Variants in TENM3 observed in about 807,000 individuals in gnomAD.
TENM3 encodes teneurin transmembrane protein 3.
TENM3 carries 63 observed loss-of-function variants against 255.1 expected under a neutral mutation model. The ratio of observed to expected loss-of-function variants is 0.25; its 90% CI spans 0.20 to 0.30. The LOEUF (loss-of-function observed/expected upper bound fraction) is 0.30, where lower values mean the gene tolerates loss of function less well. Ranked by LOEUF, TENM3 falls within the 10% of genes least tolerant of loss-of-function variation. The pLI, the probability that TENM3 is intolerant of heterozygous loss-of-function variation, is 1.00. For missense variants in TENM3, 2,929 were observed against 3,461.1 expected, an observed-to-expected ratio of 0.85 and a Z score of 3.86; for synonymous variants, 1,306 against 1,322.3, an observed-to-expected ratio of 0.99 and a Z score of 0.27.
At chr4:182,673,746 G>C (rs1755419281) in intron 7 of TENM3, among the ~76,000 whole-genome samples, 1 of 152,156 alleles carries the variant, frequency 6.6e-6, no homozygotes, top group African/African-American at 2.4e-5. Context: ...CTGAGATGAA[G>C]AGGCAAGAGA....
rs548722858 is a variant in TENM3, at chr4:182,454,382, A to G, written c.511+107453A>G. ...AAGTGTGTTTCATACATCGATTTAT[A>G]TGGAAATACCCCTTCATTAAAAATG... On this transcript the variant is annotated intron_variant, in intron 3 of 27. Transcript: ENST00000511685. Among the ~76,000 whole-genome samples, 456 of 152,298 alleles carry G rather than the reference A, an allele frequency of 3.0e-3. 2 individuals carry two copies. Among genetic ancestry groups the G allele is most frequent in the Non-Finnish European group, 5.4e-3 (370 of 68,022 alleles).
intron 22 of TENM3, among the ~76,000 whole-genome samples, chr4:182,771,261 A>G (rs1764183098): frequency 6.6e-6 from 1 of 152,166 alleles, no homozygotes; most frequent in African/African-American, 2.4e-5. Flanking sequence ...GAAAATATAA[A>G]CCAGCAAAAG....
the TENM3 span, among the ~76,000 whole-genome samples, chr4:181,944,150 T>C: frequency 1.8e-4 from 27 of 152,166 alleles, no homozygotes; most frequent in Non-Finnish European, 3.8e-4. Flanking sequence ...TTATGAGAAC[T>C]GGCTTGCTGG....
intron 10 of TENM3, 145 bp downstream of exon 10, chr4:182,680,882 T>C (rs1756119225): frequency 8.8e-6 from 5 of 565,200 alleles, no homozygotes; most frequent in Non-Finnish European, 1.1e-5. Flanking sequence ...ATGCATTGTT[T>C]TACTAACATT....
At chr4:182,313,888 C>T (rs2150433592) in intron 1 of TENM3, among the ~76,000 whole-genome samples, 1 of 152,360 alleles carries the variant, frequency 6.6e-6, no homozygotes, top group Non-Finnish European at 1.5e-5. Context: ...TTTTCTAAAT[C>T]TCCACTCCAT....
chr4:182,319,801 A>G (rs1002587487), intron 1 of TENM3, among the ~76,000 whole-genome samples: 2 of 152,214 alleles, frequency 1.3e-5, no homozygotes, highest in Admixed American at 6.5e-5. Flanking sequence ...AGTAGAGAGA[A>G]TACTTTTTGC....
At chr4:182,120,020 A>G in the TENM3 span, among the ~76,000 whole-genome samples, 4 of 152,078 alleles carry the variant, frequency 2.6e-5, no homozygotes, top group African/African-American at 9.7e-5. Context: ...GTTTTTAGAT[A>G]AACATAATCT....
At chr4:181,501,411 C>T in the TENM3 span, among the ~76,000 whole-genome samples, 1 of 151,224 alleles carries the variant, frequency 6.6e-6, no homozygotes, top group Non-Finnish European at 1.5e-5. Flanking sequence ...TGGAGTCTCG[C>T]ACTGTCGCCT....
At chr4:181,960,313 A>C in the TENM3 span, among the ~76,000 whole-genome samples, 1 of 152,186 alleles carries the variant, frequency 6.6e-6, no homozygotes, top group Non-Finnish European at 1.5e-5. Context: ...TTCTCTCAAT[A>C]ATAGGACTTT....
chr4:182,111,465 C>T, the TENM3 span, among the ~76,000 whole-genome samples: 1 of 152,046 alleles, frequency 6.6e-6, no homozygotes, highest in Non-Finnish European at 1.5e-5. Context: ...ATACAGAACA[C>T]CTTTTTAAAG....
chr4:182,155,952 T>C (rs938447608), intron 1 of TENM3, among the ~76,000 whole-genome samples: 2 of 152,110 alleles, frequency 1.3e-5, no homozygotes, highest in Non-Finnish European at 2.9e-5. Flanking sequence ...AATCCCTTTC[T>C]TTATTATTCT....
chr4:181,725,674 C>T, the TENM3 span, among the ~76,000 whole-genome samples: 1 of 152,052 alleles, frequency 6.6e-6, no homozygotes, highest in East Asian at 1.9e-4. Flanking sequence ...GATTTCCTGA[C>T]CTCGTAATCC....
chr4:181,611,527 G>A, the TENM3 span, among the ~76,000 whole-genome samples: 90 of 152,028 alleles, frequency 5.9e-4, no homozygotes, highest in African/African-American at 2.0e-3. Context: ...CAAGATTTAC[G>A]GATAGAATGG....
the TENM3 span, among the ~76,000 whole-genome samples, chr4:181,497,664 T>C: frequency 6.6e-6 from 1 of 152,176 alleles, no homozygotes; most frequent in African/African-American, 2.4e-5. Context: ...TATTTTGTCC[T>C]TTTATCTTGA....
chr4:181,667,290 C>A, the TENM3 span, among the ~76,000 whole-genome samples: 34 of 152,096 alleles, frequency 2.2e-4, no homozygotes, highest in Non-Finnish European at 1.5e-5. Context: ...AATTCTGTCC[C>A]ATCCTGCACA....
intron 5 of TENM3, among the ~76,000 whole-genome samples, chr4:182,650,834 G>A (rs1753186985): frequency 6.8e-6 from 1 of 146,876 alleles, no homozygotes; most frequent in Admixed American, 6.8e-5. Flanking sequence ...TCATTATATA[G>A]CATCTTCAGT....
chr4:182,009,712 A>G, the TENM3 span, among the ~76,000 whole-genome samples: 1 of 152,000 alleles, frequency 6.6e-6, no homozygotes, highest in Non-Finnish European at 1.5e-5. Flanking sequence ...CTTAGACCCC[A>G]GGCAGCCACA....
At chr4:182,460,677 A>G (rs1774262497) in intron 3 of TENM3, among the ~76,000 whole-genome samples, 1 of 152,196 alleles carries the variant, frequency 6.6e-6, no homozygotes, top group South Asian at 2.1e-4. Flanking sequence ...TATTTAACAC[A>G]CAACAGCTAC....
intron 1 of TENM3, among the ~76,000 whole-genome samples, chr4:182,244,786 G>C (rs540333568): frequency 1.3e-5 from 2 of 152,180 alleles, no homozygotes; most frequent in Non-Finnish European, 2.9e-5. Context: ...CATTCCAACT[G>C]TCCAGCTTTC....
Sources: allele counts gnomAD v4.1 joint callset (sites outside exome capture counted in the v4.1 genomes callset), GRCh38; gene constraint gnomAD v4.1.1; transcripts MANE v1.5; gene names NCBI Gene and HGNC (gene_info 2026-07-23, HGNC 2026-07-21).